The following CLSTN2 variants were observed in gnomAD, a reference collection of about 807,000 sequenced individuals.
CLSTN2 encodes the protein calsyntenin-2.
In CLSTN2, 48 loss-of-function variants were observed where a neutral mutation model predicts 101.2. That is an observed-to-expected ratio of 0.47 (90% CI 0.38 to 0.60). CLSTN2 has a LOEUF of 0.60. Among genes scored for constraint, CLSTN2 ranks in the 20% least tolerant of loss-of-function variants. The pLI, the probability that CLSTN2 is intolerant of heterozygous loss-of-function variation, is 0.00. For missense variants in CLSTN2, 1,160 were observed against 1,238.2 expected, an observed-to-expected ratio of 0.94 and a Z score of 0.95; for synonymous variants, 481 against 463.6, an observed-to-expected ratio of 1.04 and a Z score of -0.48.
At chr3:140,215,188 A>G (rs1055616417) in intron 2 of CLSTN2, among the ~76,000 whole-genome samples, 1 of 151,976 alleles carries the variant, frequency 6.6e-6, no homozygotes, top group Non-Finnish European at 1.5e-5. Flanking sequence ...TCTTGCCTTG[A>G]CTTTTTTTCT....
intron 6 of CLSTN2, among the ~76,000 whole-genome samples, chr3:140,452,886 T>G (rs754357169): frequency 1.3e-5 from 2 of 152,196 alleles, no homozygotes; most frequent in South Asian, 4.1e-4. Context: ...CCAGGCTTCC[T>G]AGAGAAGCAG....
At chr3:140,559,582 A>G (rs1428000512) in intron 12 of CLSTN2, among the ~76,000 whole-genome samples, 1 of 151,740 alleles carries the variant, frequency 6.6e-6, no homozygotes, top group Non-Finnish European at 1.5e-5. Flanking sequence ...AAGGGAAAGA[A>G]GGAAACTGGG....
intron 1 of CLSTN2, among the ~76,000 whole-genome samples, chr3:139,938,140 C>CAAAAAAAAAA (rs66697366): frequency 2.1e-5 from 2 of 94,740 alleles, no homozygotes; most frequent in African/African-American, 4.2e-5. Flanking sequence ...ATTCCCATCA[C>CAAAAAAAAAA]AAAAAAAAAA....
chr3:140,270,635 G>A (rs1051478097), intron 2 of CLSTN2, among the ~76,000 whole-genome samples: 1 of 152,108 alleles, frequency 6.6e-6, no homozygotes, highest in Non-Finnish European at 1.5e-5. Context: ...GGGGAAGAGG[G>A]CTGTGGATGC....
intron 1 of CLSTN2, among the ~76,000 whole-genome samples, chr3:140,006,745 G>T (rs1030943670): frequency 1.3e-5 from 2 of 152,122 alleles, no homozygotes; most frequent in African/African-American, 4.8e-5. Flanking sequence ...CACTACGATT[G>T]AGAGTATTGC....
intron 1 of CLSTN2, among the ~76,000 whole-genome samples, chr3:140,052,459 A>T (rs1260592832): frequency 2.0e-5 from 3 of 152,010 alleles, no homozygotes; most frequent in Non-Finnish European, 4.4e-5. Context: ...CCTGGCCAAT[A>T]TTTCTGTTAT....
At chr3:140,248,933 G>T (rs1436146624) in intron 2 of CLSTN2, among the ~76,000 whole-genome samples, 1 of 152,152 alleles carries the variant, frequency 6.6e-6, no homozygotes, top group South Asian at 2.1e-4. Flanking sequence ...GGAGAGAAGT[G>T]GATTAAATGA....
chr3:140,282,520 C>T (rs2086857902), intron 2 of CLSTN2, among the ~76,000 whole-genome samples: 1 of 152,156 alleles, frequency 6.6e-6, no homozygotes, highest in Non-Finnish European at 1.5e-5. Flanking sequence ...AAAATAAGAG[C>T]TTTCTGTGAA....
chr3:140,100,870 C>T (rs934234574), intron 1 of CLSTN2, among the ~76,000 whole-genome samples: 1 of 152,188 alleles, frequency 6.6e-6, no homozygotes. Context: ...AGTACAATCA[C>T]CCTTCCATGC....
chr3:140,496,103 G>C (rs1462563599), intron 8 of CLSTN2, among the ~76,000 whole-genome samples: 3 of 152,144 alleles, frequency 2.0e-5, no homozygotes, highest in Admixed American at 2.0e-4. Context: ...TGATCATGGA[G>C]TGCTTCTCCA....
intron 8 of CLSTN2, among the ~76,000 whole-genome samples, chr3:140,484,902 C>T (rs1323779108): frequency 7.2e-5 from 11 of 152,168 alleles, no homozygotes; most frequent in Middle Eastern, 3.4e-3. Flanking sequence ...GCCATGGGTT[C>T]GAACTTCCTC....
intron 1 of CLSTN2, among the ~76,000 whole-genome samples, chr3:140,125,215 C>T (rs1161362534): frequency 6.6e-6 from 1 of 151,974 alleles, no homozygotes; most frequent in Non-Finnish European, 1.5e-5. Flanking sequence ...TGAATAGGAG[C>T]ATGAGAATGG....
rs867861659 is a variant in CLSTN2, at chr3:140,419,498, T to A, written c.638-1627T>A. On this transcript the variant is annotated intron_variant, in intron 4 of 16. Coordinates refer to ENST00000458420, the MANE Select transcript of CLSTN2 (RefSeq NM_022131.3). ...ACTCTGTCTCAAAAAAAAAAAAATA[T>A]ATATATATATATATACACACACATA... 6.6e-3 allele frequency among the ~76,000 whole-genome samples: 304 copies of A among 46,108 alleles called. 22 individuals carry two copies. Among genetic ancestry groups the A allele is most frequent in the East Asian group, 0.014 (16 of 1,122 alleles). 30.2% of individuals were successfully genotyped at this position (46,108 alleles called of 152,430 possible).
chr3:140,033,164 A>G (rs1410732937), intron 1 of CLSTN2, among the ~76,000 whole-genome samples: 8 of 152,234 alleles, frequency 5.3e-5, no homozygotes, highest in African/African-American at 1.7e-4. Context: ...CATAAAAACT[A>G]TAGTGTGCTC....
chr3:140,500,449 G>A (rs182661609), intron 8 of CLSTN2, among the ~76,000 whole-genome samples: 7 of 152,290 alleles, frequency 4.6e-5, no homozygotes, highest in Non-Finnish European at 1.0e-4. Context: ...ATTCAAGCAG[G>A]ATTCTACAGT....
intron 1 of CLSTN2, among the ~76,000 whole-genome samples, chr3:140,041,656 T>A (rs576236059): frequency 5.9e-4 from 90 of 152,332 alleles, no homozygotes; most frequent in African/African-American, 2.0e-3. Flanking sequence ...GCTTTGCACA[T>A]GTTGCTCTTT....
At chr3:140,335,469 G>T (rs371072177) in intron 2 of CLSTN2, among the ~76,000 whole-genome samples, 3 of 137,034 alleles carry the variant, frequency 2.2e-5, no homozygotes. Flanking sequence ...AAAAAAAAAA[G>T]CCCCACTGAC....
At chr3:140,169,697 C>CT (rs1172060429) in intron 1 of CLSTN2, among the ~76,000 whole-genome samples, 1 of 151,994 alleles carries the variant, frequency 6.6e-6, no homozygotes, top group Non-Finnish European at 1.5e-5. Flanking sequence ...TTTTAAAAGA[C>CT]TTTTTTTCTC....
At chr3:140,409,593 G>C (rs1470387724) in intron 4 of CLSTN2, among the ~76,000 whole-genome samples, 1 of 152,148 alleles carries the variant, frequency 6.6e-6, no homozygotes, top group Non-Finnish European at 1.5e-5. Flanking sequence ...TGGAAAAGGT[G>C]ATTATTTCTT....
Sources: allele counts gnomAD v4.1 joint callset (sites outside exome capture counted in the v4.1 genomes callset), GRCh38; gene constraint gnomAD v4.1.1; transcripts MANE v1.5; gene names NCBI Gene and HGNC (gene_info 2026-07-23, HGNC 2026-07-21).